Variants in CCDC171 observed in about 807,000 individuals in gnomAD.
The protein encoded by CCDC171 is coiled-coil domain-containing protein 171.
A neutral mutation model predicts 168.2 loss-of-function variants in CCDC171; 177 were observed. That is an observed-to-expected ratio of 1.05 (90% CI 0.93 to 1.19). CCDC171 has a LOEUF of 1.19. Ranked by LOEUF, CCDC171 falls within the 50% of genes most tolerant of loss-of-function variation. CCDC171 has a pLI of 0.00. For synonymous variants in CCDC171, 687 were observed against 540.8 expected, an observed-to-expected ratio of 1.27 and a Z score of -3.75; for missense variants, 1,991 against 1,539.0, an observed-to-expected ratio of 1.29 and a Z score of -4.91.
At chr9:16,096,205 CAAG>C in the CCDC171 span, among the ~76,000 whole-genome samples, 2 of 152,038 alleles carry the variant, frequency 1.3e-5, no homozygotes, top group African/African-American at 4.8e-5. Context: ...CTCTGTATGG[CAAG>C]AAGATCTCTT....
At chr9:15,561,480 C>G (rs1181795962) in intron 1 of CCDC171, among the ~76,000 whole-genome samples, 1 of 152,178 alleles carries the variant, frequency 6.6e-6, no homozygotes, top group East Asian at 1.9e-4. Flanking sequence ...TGGAGTTTCA[C>G]AGGGAAGTTC....
At chr9:15,852,411 G>A (rs1473283961) in intron 23 of CCDC171, among the ~76,000 whole-genome samples, 6 of 151,508 alleles carry the variant, frequency 4.0e-5, no homozygotes, top group African/African-American at 1.2e-4. Flanking sequence ...TCCTTTGCCC[G>A]TTTTTAAATT....
At chr9:16,014,134 C>G (rs1317933240) in intron 3 of CCDC171, among the ~76,000 whole-genome samples, 4 of 152,248 alleles carry the variant, frequency 2.6e-5, no homozygotes. Context: ...ACCCTTGCCA[C>G]TGCTTTAGCA....
intron 25 of CCDC171, among the ~76,000 whole-genome samples, chr9:15,940,385 A>T (rs1187168637): frequency 1.3e-5 from 2 of 151,874 alleles, no homozygotes; most frequent in Admixed American, 1.3e-4. Flanking sequence ...GGAATTTTCC[A>T]GGAAATTACC....
At chr9:15,999,370 G>A (rs1481824762) in intron 3 of CCDC171, among the ~76,000 whole-genome samples, 8 of 149,596 alleles carry the variant, frequency 5.3e-5, no homozygotes, top group Non-Finnish European at 1.0e-4. Context: ...CAAGCAGGGA[G>A]GGAGGGAGGA....
intron 3 of CCDC171, among the ~76,000 whole-genome samples, chr9:15,988,625 C>G (rs559619126): frequency 6.6e-6 from 1 of 152,164 alleles, no homozygotes; most frequent in African/African-American, 2.4e-5. Flanking sequence ...CAACGCAGGG[C>G]GAGGCATCGC....
chr9:15,850,507 A>G (rs2061080580), intron 23 of CCDC171, among the ~76,000 whole-genome samples: 1 of 151,946 alleles, frequency 6.6e-6, no homozygotes, highest in African/African-American at 2.4e-5. Flanking sequence ...CTTTTGCTTT[A>G]TGGCTTTTCC....
intron 6 of CCDC171, among the ~76,000 whole-genome samples, chr9:15,618,191 C>G (rs749356954): frequency 9.9e-5 from 15 of 152,204 alleles, no homozygotes; most frequent in Admixed American, 6.5e-4. Flanking sequence ...CCTGACTGAA[C>G]TGCTGCATAT....
chr9:15,874,715 T>G, intron 24 of CCDC171, 52 bp downstream of exon 24: 2 of 1,448,266 alleles, frequency 1.4e-6, no homozygotes, highest in Non-Finnish European at 1.8e-6. Flanking sequence ...AAAAATAAAT[T>G]GCACTAACTG....
chr9:16,052,163 T>A (rs1282385463), intron 1 of CCDC171, among the ~76,000 whole-genome samples: 1 of 152,202 alleles, frequency 6.6e-6, no homozygotes, highest in Non-Finnish European at 1.5e-5. Flanking sequence ...GTGGACCCCA[T>A]GCTTCTGTTG....
At chr9:16,079,396 C>G in the CCDC171 span, among the ~76,000 whole-genome samples, 3 of 152,142 alleles carry the variant, frequency 2.0e-5, no homozygotes, top group African/African-American at 7.2e-5. Context: ...ATCCCTAATC[C>G]AATACAGCTG....
intron 6 of CCDC171, among the ~76,000 whole-genome samples, chr9:15,595,694 C>T (rs1176301006): frequency 6.6e-6 from 1 of 151,900 alleles, no homozygotes; most frequent in South Asian, 2.1e-4. Context: ...AATGGTATTT[C>T]TAGTTCTAGA....
intron 21 of CCDC171, among the ~76,000 whole-genome samples, chr9:15,789,897 C>T (rs2058164494): frequency 6.6e-6 from 1 of 152,036 alleles, no homozygotes; most frequent in South Asian, 2.1e-4. Context: ...TGATGGTTTC[C>T]AGCTTCATCC....
At chr9:16,090,681 G>A in the CCDC171 span, among the ~76,000 whole-genome samples, 4 of 152,164 alleles carry the variant, frequency 2.6e-5, no homozygotes, top group African/African-American at 9.7e-5. Context: ...TCACCATGAA[G>A]TTTATTTTTT....
chr9:15,700,193 G>C (rs559745549), intron 11 of CCDC171, among the ~76,000 whole-genome samples: 13 of 152,336 alleles, frequency 8.5e-5, no homozygotes, highest in African/African-American at 3.1e-4. Context: ...CCCACGGGAA[G>C]GCAGCTAAGG....
In CCDC171 at chr9:15,748,709, T is replaced by A. The variant is rs143768461; in HGVS notation, c.2671+3078T>A. 1.8e-3 allele frequency among the ~76,000 whole-genome samples: 270 copies of A among 152,310 alleles called. 2 individuals are homozygous for A. The highest frequency in any genetic ancestry group is 6.1e-3 in the African/African-American group (253 of 41,552). On this transcript the variant is annotated intron_variant, in intron 18 of 25. Transcript: ENST00000380701. Reference sequence around the variant, plus strand: ...AAAGAATTTTCAACTCAGAATTTCATATCCAGCCAAACTATGCTTCTTAAG... The same window carrying A: ...AAAGAATTTTCAACTCAGAATTTCAAATCCAGCCAAACTATGCTTCTTAAG...
chr9:15,708,602 A>G (rs1477403662), intron 11 of CCDC171, among the ~76,000 whole-genome samples: 1 of 152,170 alleles, frequency 6.6e-6, no homozygotes, highest in Non-Finnish European at 1.5e-5. Flanking sequence ...GAATACAGCT[A>G]GCCAGGAATG....
At chr9:15,708,675 A>G (rs1395900067) in intron 11 of CCDC171, among the ~76,000 whole-genome samples, 1 of 141,526 alleles carries the variant, frequency 7.1e-6, no homozygotes, top group Non-Finnish European at 1.5e-5. Context: ...GAATCAAGAC[A>G]AAAAAAAAAC....
At chr9:15,711,245 A>G (rs964207536) in intron 11 of CCDC171, among the ~76,000 whole-genome samples, 2 of 152,216 alleles carry the variant, frequency 1.3e-5, no homozygotes, top group African/African-American at 4.8e-5. Flanking sequence ...ACAGTACAGA[A>G]TTGAAGGCTT....
Sources: allele counts gnomAD v4.1 joint callset (sites outside exome capture counted in the v4.1 genomes callset), GRCh38; gene constraint gnomAD v4.1.1; transcripts MANE v1.5; gene names NCBI Gene and HGNC (gene_info 2026-07-23, HGNC 2026-07-21).